Variants in DLG2 observed in about 807,000 individuals in gnomAD.
DLG2 encodes the protein disks large homolog 2.
DLG2 carries 45 observed loss-of-function variants against 132.5 expected under a neutral mutation model. The observed-to-expected ratio is 0.34, with a 90% confidence interval of 0.27 to 0.44. DLG2 has a LOEUF of 0.44. Among genes scored for constraint, DLG2 ranks in the 20% least tolerant of loss-of-function variants. DLG2 has a pLI of 1.00. For missense variants in DLG2, 1,045 were observed against 1,196.9 expected (o/e 0.87, Z 1.87); for synonymous variants, 424 against 419.6 (o/e 1.01, Z -0.13).
At chr11:84,413,754 C>A (rs957099098) in intron 7 of DLG2, among the ~76,000 whole-genome samples, 2 of 152,190 alleles carry the variant, frequency 1.3e-5, no homozygotes, top group African/African-American at 4.8e-5. Context: ...ATATGATTAT[C>A]CCTGATGAGG....
intron 18 of DLG2, among the ~76,000 whole-genome samples, chr11:83,636,889 C>T (rs1224441841): frequency 6.6e-6 from 1 of 152,146 alleles, no homozygotes; most frequent in Non-Finnish European, 1.5e-5. Context: ...ATCTTTCCTA[C>T]TTTGACAGTC....
At chr11:84,070,784 G>C (rs959883151) in intron 10 of DLG2, among the ~76,000 whole-genome samples, 1 of 152,154 alleles carries the variant, frequency 6.6e-6, no homozygotes. Flanking sequence ...CTGTGTGTTT[G>C]AGTACAGTGA....
chr11:84,579,141 C>G (rs951023062), intron 6 of DLG2, among the ~76,000 whole-genome samples: 1 of 151,430 alleles, frequency 6.6e-6, no homozygotes. Flanking sequence ...TTGGGTATAT[C>G]TTTATCAGCA....
At chr11:84,885,576 T>C (rs530019027) in intron 6 of DLG2, among the ~76,000 whole-genome samples, 1 of 152,224 alleles carries the variant, frequency 6.6e-6, no homozygotes, top group Admixed American at 6.6e-5. Flanking sequence ...TGGTCCTGCA[T>C]ATTACTGGCT....
intron 9 of DLG2, among the ~76,000 whole-genome samples, chr11:84,157,366 C>T (rs1175904076): frequency 6.6e-6 from 1 of 152,088 alleles, no homozygotes; most frequent in Non-Finnish European, 1.5e-5. Context: ...GTTACTTTTC[C>T]ATGGGCCCAT....
At chr11:84,728,166 C>T (rs1476393133) in intron 6 of DLG2, among the ~76,000 whole-genome samples, 3 of 152,116 alleles carry the variant, frequency 2.0e-5, no homozygotes, top group Non-Finnish European at 2.9e-5. Context: ...TTGTCTTGTG[C>T]CAATTTTCAA....
At chr11:85,270,640 G>T (rs529366686) in intron 4 of DLG2, among the ~76,000 whole-genome samples, 8 of 152,294 alleles carry the variant, frequency 5.3e-5, no homozygotes, top group South Asian at 4.1e-4. Context: ...TGACCAAAAT[G>T]CTCAAGATGA....
chr11:83,805,660 C>T (rs967115495), intron 17 of DLG2, among the ~76,000 whole-genome samples: 1 of 152,030 alleles, frequency 6.6e-6, no homozygotes, highest in Non-Finnish European at 1.5e-5. Context: ...TTAAATACTG[C>T]CTTTCACATT....
chr11:83,986,913 C>T (rs1246941997), intron 11 of DLG2, among the ~76,000 whole-genome samples: 1 of 151,726 alleles, frequency 6.6e-6, no homozygotes, highest in Non-Finnish European at 1.5e-5. Flanking sequence ...GGTTGTTTGT[C>T]TTTTTCTTGT....
At chr11:83,818,988 A>G (rs1351231981) in intron 17 of DLG2, among the ~76,000 whole-genome samples, 1 of 152,148 alleles carries the variant, frequency 6.6e-6, no homozygotes, top group African/African-American at 2.4e-5. Flanking sequence ...CCTGTCTGCT[A>G]CACACAAAGG....
chr11:84,666,945 T>C (rs948909929), intron 6 of DLG2, among the ~76,000 whole-genome samples: 3 of 152,158 alleles, frequency 2.0e-5, no homozygotes, highest in Non-Finnish European at 2.9e-5. Context: ...CTTCATTTCA[T>C]GGTAGAGAAA....
Position 84,961,526 on chromosome 11 carries a change from T to TTGTGTG in DLG2, c.357+150129_357+150134dup, listed in dbSNP as rs71465017. ...AAGTTATATCCTAAGAATTGTATCT[T>TTGTGTG]TGTGTGTGTGTGTGTGTGTGTGTGT... On this transcript the variant is annotated intron_variant, in intron 6 of 27. Transcript: ENST00000376104. 4.5e-3 allele frequency among the ~76,000 whole-genome samples: 641 copies of TTGTGTG among 143,880 alleles called. 2 individuals carry two copies. Among genetic ancestry groups the TTGTGTG allele is most frequent in the Middle Eastern group, 7.2e-3 (2 of 276 alleles). 94.4% of individuals were successfully genotyped at this position (143,880 alleles called of 152,430 possible).
intron 4 of DLG2, among the ~76,000 whole-genome samples, chr11:85,212,651 A>G (rs1474523167): frequency 3.9e-5 from 6 of 152,152 alleles, no homozygotes; most frequent in African/African-American, 1.4e-4. Context: ...TGCATCTGCT[A>G]TCAAAAAATA....
chr11:85,309,889 G>A (rs991163874), intron 3 of DLG2, among the ~76,000 whole-genome samples: 5 of 152,128 alleles, frequency 3.3e-5, no homozygotes, highest in Admixed American at 3.3e-4. Flanking sequence ...TTATGGCACT[G>A]TATTTTAACT....
At chr11:84,158,100 G>C (rs2095469980) in intron 9 of DLG2, among the ~76,000 whole-genome samples, 1 of 151,316 alleles carries the variant, frequency 6.6e-6, no homozygotes, top group Non-Finnish European at 1.5e-5. Flanking sequence ...GTCTCACTCT[G>C]TTGCCCAGGC....
At chr11:84,115,731 A>C (rs1165209997) in intron 9 of DLG2, among the ~76,000 whole-genome samples, 1 of 152,162 alleles carries the variant, frequency 6.6e-6, no homozygotes, top group Non-Finnish European at 1.5e-5. Flanking sequence ...GATAGCAACA[A>C]ACTACTCTTC....
rs541995359 is a variant in DLG2 at position 84,119,160 on chromosome 11, T to C, written c.625-20113A>G. 1.3e-4 allele frequency among the ~76,000 whole-genome samples: 19 copies of C among 151,444 alleles called. No individual in the cohort carries two copies. The East Asian group carries it at 3.5e-3, about 28-fold the overall frequency. ...GTGACAACCTCAGAAAAAAAAAAAA[T>C]TAAAGCTGAGTTGAAAACGACAGCT... On this transcript the variant is annotated intron_variant, in intron 9 of 27. Transcript: ENST00000376104.
At chr11:84,046,497 T>C (rs576775264) in intron 11 of DLG2, among the ~76,000 whole-genome samples, 5 of 151,706 alleles carry the variant, frequency 3.3e-5, no homozygotes, top group Admixed American at 1.3e-4. Flanking sequence ...GAAGTAACTA[T>C]TGAACTGTTG....
At chr11:84,652,129 A>G (rs1165795605) in intron 6 of DLG2, among the ~76,000 whole-genome samples, 1 of 152,202 alleles carries the variant, frequency 6.6e-6, no homozygotes, top group East Asian at 1.9e-4. Context: ...ATTTGAATAC[A>G]TGAAGAATGT....
Sources: gnomAD v4.1 joint callset for allele counts (sites outside exome capture counted in the v4.1 genomes callset) on GRCh38, gnomAD v4.1.1 for gene constraint, MANE v1.5 for transcripts, NCBI Gene and HGNC (gene_info 2026-07-23, HGNC 2026-07-21) for gene names.